The following FRAS1 variants were observed in gnomAD, a reference collection of about 807,000 sequenced individuals.
FRAS1 encodes the protein Fraser extracellular matrix complex subunit 1.
Under a neutral mutation model 435.2 loss-of-function variants are expected in FRAS1, and 290 were observed. That is an observed-to-expected ratio of 0.67 (90% CI 0.61 to 0.73). FRAS1 has a LOEUF of 0.73. Ranked by LOEUF, FRAS1 falls within the 30% of genes least tolerant of loss-of-function variation. The probability of loss-of-function intolerance (pLI) is 0.00; values close to 1 mark genes in which losing one functional copy is unlikely to be tolerated. For synonymous variants in FRAS1, 1,800 were observed against 1,851.0 expected, an observed-to-expected ratio of 0.97 and a Z score of 0.71; for missense variants, 4,860 against 5,001.5, an observed-to-expected ratio of 0.97 and a Z score of 0.85.
chr4:78,289,917 CA>C (rs1410806259), intron 14 of FRAS1, among the ~76,000 whole-genome samples: 1 of 152,150 alleles, frequency 6.6e-6, no homozygotes, highest in African/African-American at 2.4e-5. Flanking sequence ...GTTCCCTCAC[CA>C]GAACAGTGGT....
Position 78,526,674 on chromosome 4 carries a change from A to AATCCTCATT in FRAS1, c.10925+20_10925+28dup. 7.0e-7 allele frequency: 1 copy of AATCCTCATT among 1,423,730 alleles called. No homozygotes were observed. The highest frequency in any genetic ancestry group is 9.5e-7 in the Non-Finnish European group (1 of 1,053,302). 88.2% of individuals were successfully genotyped at this position (1,423,730 alleles called of 1,614,324 possible). On this transcript the variant is annotated intron_variant, in intron 70 of 73. Transcript: ENST00000512123. Reference sequence around the variant, plus strand: ...CCCAGAAAGGTAGGAAAATATAGTCAATCCTCATTATTTGTTGATTCCTTA... The same window carrying AATCCTCATT: ...CCCAGAAAGGTAGGAAAATATAGTCAATCCTCATTATCCTCATTATTTGTTGATTCCTTA...
At chr4:78,182,253 C>A (rs1417024087) in intron 2 of FRAS1, among the ~76,000 whole-genome samples, 1 of 152,182 alleles carries the variant, frequency 6.6e-6, no homozygotes, top group Admixed American at 6.5e-5. Context: ...CAGGGGCAAC[C>A]GTGTTGTGGT....
intron 2 of FRAS1, among the ~76,000 whole-genome samples, chr4:78,231,776 G>T (rs1560593073): frequency 6.8e-6 from 1 of 147,486 alleles, no homozygotes; most frequent in Non-Finnish European, 1.5e-5. Context: ...GAAACAAGTT[G>T]TTTTTTTTTT....
intron 14 of FRAS1, among the ~76,000 whole-genome samples, chr4:78,294,269 T>C (rs1444027264): frequency 6.6e-6 from 1 of 152,176 alleles, no homozygotes; most frequent in Non-Finnish European, 1.5e-5. Context: ...AAGGTTGTTT[T>C]GGTTTGCGGT....
intron 18 of FRAS1, among the ~76,000 whole-genome samples, chr4:78,332,385 A>G (rs1375095006): frequency 6.6e-6 from 1 of 152,240 alleles, no homozygotes; most frequent in Non-Finnish European, 1.5e-5. Context: ...TTGAGAAGTC[A>G]TGCAACTATC....
At chr4:78,101,186 C>A (rs998123281) in intron 2 of FRAS1, among the ~76,000 whole-genome samples, 7 of 151,520 alleles carry the variant, frequency 4.6e-5, no homozygotes, top group Non-Finnish European at 1.0e-4. Context: ...GGTGACTGAC[C>A]CAACAAGTGT....
At chr4:78,274,442 G>T (rs1414636930) in intron 9 of FRAS1, among the ~76,000 whole-genome samples, 3 of 152,054 alleles carry the variant, frequency 2.0e-5, no homozygotes, top group Non-Finnish European at 2.9e-5. Context: ...GCTTTCTCTT[G>T]TGGGCATTTA....
chr4:78,526,140 T>G (rs1360633548), intron 69 of FRAS1, among the ~76,000 whole-genome samples: 1 of 152,192 alleles, frequency 6.6e-6, no homozygotes, highest in African/African-American at 2.4e-5. Context: ...GCTTTTCCAT[T>G]TGGGAATGCA....
In FRAS1 at chr4:78,315,697, T is replaced by G; in HGVS notation, c.1782T>G (p.Pro594=). 6.2e-7 allele frequency: 1 copy of G among 1,614,024 alleles called. No homozygotes were observed. The highest frequency in any genetic ancestry group is 8.5e-7 in the Non-Finnish European group (1 of 1,179,892). ...ATGGGAAATGCATGTCTGAATGCCCTGGCGGGTACTATGCTGATGCCACTG... is the reference window on the plus strand; with the variant it reads ...ATGGGAAATGCATGTCTGAATGCCCGGGCGGGTACTATGCTGATGCCACTG... ...LHDGKCMSEC[P]GGYYADATGR... is the part of the protein sequence containing the mutation. The change falls in exon 16 of 74, where the codon CCT becomes CCG. Residue 594 remains proline (P), a synonymous_variant. Coordinates refer to ENST00000512123, the MANE Select transcript of FRAS1 (RefSeq NM_025074.7).
At chr4:78,339,746 A>G (rs1002306592) in intron 20 of FRAS1, among the ~76,000 whole-genome samples, 12 of 152,252 alleles carry the variant, frequency 7.9e-5, no homozygotes, top group Non-Finnish European at 1.3e-4. Flanking sequence ...AAACCAGAGT[A>G]TAGAAAGTTC....
At chr4:78,093,583 C>T (rs1414863042) in intron 2 of FRAS1, among the ~76,000 whole-genome samples, 8 of 152,162 alleles carry the variant, frequency 5.3e-5, no homozygotes, top group Non-Finnish European at 8.8e-5. Context: ...TATTCAAAAT[C>T]TGAACTACCA....
chr4:78,097,798 C>A lies in FRAS1; in HGVS notation c.108+31782C>A, dbSNP rs550979272. 2.0e-5 allele frequency among the ~76,000 whole-genome samples: 3 copies of A among 152,262 alleles called. No homozygotes were observed. The East Asian group carries it at 5.8e-4, about 29-fold the overall frequency. On this transcript the variant is annotated intron_variant, in intron 2 of 73. Transcript: ENST00000512123. The stretch of plus-strand genomic sequence containing the variant: ...AGAACCAAACCATACAAAGTCCTAA[C>A]CTTAGTACTTCAGAATGTGTCTGCA...
In FRAS1 at chr4:78,088,756, G is replaced by A. The variant is rs796802047; in HGVS notation, c.108+22740G>A. On this transcript the variant is annotated intron_variant, in intron 2 of 73. Coordinates refer to ENST00000512123, the MANE Select transcript of FRAS1 (RefSeq NM_025074.7). ...ACCATCTCACACCAGTTAGAATGGCGATCATTAAAAAGTTAGGAAACCACA... is the reference window on the plus strand; with the variant it reads ...ACCATCTCACACCAGTTAGAATGGCAATCATTAAAAAGTTAGGAAACCACA... 2.0e-5 allele frequency among the ~76,000 whole-genome samples: 3 copies of A among 152,062 alleles called. No homozygotes were observed. The East Asian group carries it at 5.8e-4, about 29-fold the overall frequency.
At chr4:78,496,631 C>G (rs1424559901) in intron 59 of FRAS1, among the ~76,000 whole-genome samples, 174 bp from the exon 60 acceptor site, 1 of 152,162 alleles carries the variant, frequency 6.6e-6, no homozygotes, top group East Asian at 1.9e-4. Context: ...GTGGGTCCCA[C>G]CCAAGCATGA....
At chr4:78,252,600 A>G (rs769085481) in intron 5 of FRAS1, 49 bp downstream of exon 5, 3 of 1,539,636 alleles carry the variant, frequency 1.9e-6, no homozygotes, top group Admixed American at 1.9e-5. Context: ...GGAGGTTCAC[A>G]TGGCTATCGG....
chr4:78,065,082 A>G (rs1210375263), intron 1 of FRAS1, among the ~76,000 whole-genome samples: 1 of 86,074 alleles, frequency 1.2e-5, no homozygotes, highest in Non-Finnish European at 2.2e-5. Context: ...ATATATATAT[A>G]TACATACACA....
At chr4:78,152,823 G>A (rs1476244159) in intron 2 of FRAS1, among the ~76,000 whole-genome samples, 2 of 152,030 alleles carry the variant, frequency 1.3e-5, no homozygotes, top group Non-Finnish European at 2.9e-5. Flanking sequence ...CTGTCTGTCA[G>A]CAGTAATGTA....
At chr4:78,364,836 G>T (rs1262374497) in intron 22 of FRAS1, among the ~76,000 whole-genome samples, 1 of 152,216 alleles carries the variant, frequency 6.6e-6, no homozygotes, top group Non-Finnish European at 1.5e-5. Context: ...TATTTCAGTT[G>T]TGTGTTCTAG....
At chr4:78,480,040 TTCA>T (rs2109858068) in intron 56 of FRAS1, among the ~76,000 whole-genome samples, 1 of 152,330 alleles carries the variant, frequency 6.6e-6, no homozygotes, top group East Asian at 1.9e-4. Flanking sequence ...AAATGGGGTG[TTCA>T]TCACCTCACC....
Sources: allele counts gnomAD v4.1 joint callset (sites outside exome capture counted in the v4.1 genomes callset), GRCh38; gene constraint gnomAD v4.1.1; transcripts MANE v1.5; gene names NCBI Gene and HGNC (gene_info 2026-07-23, HGNC 2026-07-21).